Variants in GLDC observed in about 807,000 individuals in gnomAD.
GLDC encodes glycine decarboxylase, also known as glycine dehydrogenase (decarboxylating), mitochondrial.
Under a neutral mutation model 121.3 loss-of-function variants are expected in GLDC, and 104 were observed. That is an observed-to-expected ratio of 0.86 (90% CI 0.73 to 1.01). The LOEUF (loss-of-function observed/expected upper bound fraction) is 1.01, where lower values mean the gene tolerates loss of function less well. Among genes scored for constraint, GLDC ranks in the 50% least tolerant of loss-of-function variants. The probability of loss-of-function intolerance (pLI) is 0.00; values close to 1 mark genes in which losing one functional copy is unlikely to be tolerated. For missense variants in GLDC, 1,429 were observed against 1,306.6 expected (o/e 1.09, Z -1.44); for synonymous variants, 546 against 480.6 (o/e 1.14, Z -1.78).
In GLDC at chr9:6,553,419, C is replaced by T. The variant is rs368811775; in HGVS notation, c.2406G>A (p.Ala802=). The T allele has an allele frequency of 9.3e-6, 15 of 1,613,628 alleles. No individual in the cohort carries two copies. The highest frequency in any genetic ancestry group is 8.0e-5 in the African/African-American group (6 of 74,986). The change falls in exon 20 of 25, where the codon GCG becomes GCA. Residue 802 remains alanine (A), a synonymous_variant. Coordinates refer to ENST00000321612, the MANE Select transcript of GLDC (RefSeq NM_000170.3). ...EDACPVGTVS[A]APWGSSSILP... ...AGATGGAACTGGAGCCCCATGGGGC[C>T]GCACTGACGGTTCCCACAGGACAGG...
rs192081125 is a variant in GLDC at position 6,583,569 on chromosome 9, G to A, written c.1850+3572C>T. Among the ~76,000 whole-genome samples the A allele has an allele frequency of 5.9e-5, 9 of 152,270 alleles. No individual in the cohort carries two copies. The East Asian group carries it at 1.5e-3, about 26-fold the overall frequency. On this transcript the variant is annotated intron_variant, in intron 15 of 24. Coordinates refer to ENST00000321612, the MANE Select transcript of GLDC (RefSeq NM_000170.3). ...TGCGTGCCAGTAGTCCCAGCTAAGC[G>A]GGAGGCTGAAGCAGGAAGATCACTT...
chr9:6,592,398 G>C lies in GLDC; in HGVS notation c.1402-175C>G, dbSNP rs1358151575. Among the ~76,000 whole-genome samples the C allele has an allele frequency of 5.3e-5, 8 of 152,186 alleles. No homozygotes were observed. The East Asian group carries it at 1.5e-3, about 29-fold the overall frequency. ...AGGAAGGTGGCTAGACCAGTCCCAG[G>C]TTTCACAAGGCTTCGAGTTTTGCCA... is the stretch of plus-strand genomic sequence containing the variant. On this transcript the variant is annotated intron_variant, in intron 10 of 24. Transcript: ENST00000321612.
chr9:6,571,877 A>G (rs995815868), intron 15 of GLDC, among the ~76,000 whole-genome samples: 1 of 152,352 alleles, frequency 6.6e-6, no homozygotes, highest in East Asian at 1.9e-4. Context: ...GGAATAGAAT[A>G]TAGAATCCAG....
rs1271498448 is a variant in GLDC at position 6,606,667 on chromosome 9, T to C, written c.638A>G (p.His213Arg). The change falls in exon 5 of 25, where the codon CAC becomes CGC. Residue 213 changes from histidine (H) to arginine (R), a missense_variant and splice_region_variant. Transcript: ENST00000321612. ...AACGAGAAATTTCCTCCTCTTGTTG[T>C]GTCTGTTGAAAAGAAAAAGCACATT... ...AAEALQLCYR[H>R]NKRRKFLVDP... is the part of the protein sequence containing the mutation. 2 of 1,591,038 alleles carry C rather than the reference T, an allele frequency of 1.3e-6. No individual in the cohort carries two copies. The highest frequency in any genetic ancestry group is 1.4e-5 in the African/African-American group (1 of 73,954).
chr9:6,583,957 C>T (rs182520963), intron 15 of GLDC, among the ~76,000 whole-genome samples: 110 of 152,282 alleles, frequency 7.2e-4, no homozygotes, highest in African/African-American at 2.6e-3. Flanking sequence ...ATGGTGATGG[C>T]TGTACAACAG....
At chr9:6,620,804 T>C (rs1290860720) in intron 2 of GLDC, among the ~76,000 whole-genome samples, 1 of 152,206 alleles carries the variant, frequency 6.6e-6, no homozygotes, top group African/African-American at 2.4e-5. Flanking sequence ...ATTCCTCCTT[T>C]GTGTCACTGA....
intron 20 of GLDC, among the ~76,000 whole-genome samples, chr9:6,551,396 T>C (rs568320195): frequency 6.6e-5 from 10 of 152,334 alleles, no homozygotes; most frequent in African/African-American, 2.4e-4. Context: ...CTCAATCTTG[T>C]CCTGGTAGTT....
intron 22 of GLDC, among the ~76,000 whole-genome samples, chr9:6,537,519 A>C (rs770668740): frequency 6.6e-6 from 1 of 152,180 alleles, no homozygotes; most frequent in Non-Finnish European, 1.5e-5. Context: ...TGGCTCACAC[A>C]CCTATAATCC....
chr9:6,606,752 C>G (rs1163742674), intron 4 of GLDC, 83 bp from the exon 5 acceptor site: 1 of 849,122 alleles, frequency 1.2e-6, no homozygotes, highest in Non-Finnish European at 2.1e-6. Context: ...AACATAGTAC[C>G]GAGGGTAAGT....
chr9:6,572,269 G>A (rs1481334534), intron 15 of GLDC, among the ~76,000 whole-genome samples: 1 of 152,172 alleles, frequency 6.6e-6, no homozygotes, highest in Non-Finnish European at 1.5e-5. Flanking sequence ...AACTACCATA[G>A]CCAACGAGCA....
At chr9:6,619,330 G>A (rs1345935129) in intron 3 of GLDC, among the ~76,000 whole-genome samples, 3 of 151,470 alleles carry the variant, frequency 2.0e-5, no homozygotes, top group Admixed American at 6.6e-5. Context: ...CAATAAAGCT[G>A]ATATTATGAT....
At chr9:6,551,943 AGTCCAACCCTACAT>A (rs1817524097) in intron 20 of GLDC, among the ~76,000 whole-genome samples, 1 of 152,218 alleles carries the variant, frequency 6.6e-6, no homozygotes, top group Non-Finnish European at 1.5e-5. Flanking sequence ...AGACGGCTTA[AGTCCAACCCTACAT>A]GTGCTCAGTT....
intron 14 of GLDC, among the ~76,000 whole-genome samples, chr9:6,587,627 T>C (rs1818296692): frequency 6.6e-6 from 1 of 152,186 alleles, no homozygotes; most frequent in African/African-American, 2.4e-5. Flanking sequence ...TAGCAATAGA[T>C]TGTTCTCTTT....
rs776998782 is a variant in GLDC at position 6,565,363 on chromosome 9, C to A, written c.1917G>T (p.Gly639=). The A allele has an allele frequency of 2.5e-6, 4 of 1,611,984 alleles. No individual in the cohort carries two copies. The highest frequency in any genetic ancestry group is 3.4e-6 in the Non-Finnish European group (4 of 1,177,990). The change falls in exon 16 of 25, where the codon GGG becomes GGT. Residue 639 remains glycine (G), a synonymous_variant. Coordinates refer to ENST00000321612, the MANE Select transcript of GLDC (RefSeq NM_000170.3). ...IRAYLNQKGE[G]HRTVCLIPKS... ...CTCCTGCCATACTCACCGTTCTGTG[C>A]CCCTCTCCTTTCTGGTTTAAGTAGG...
chr9:6,624,375 T>G (rs998992645), intron 2 of GLDC, among the ~76,000 whole-genome samples: 1 of 152,090 alleles, frequency 6.6e-6, no homozygotes, highest in African/African-American at 2.4e-5. Flanking sequence ...AGAGCAAAAT[T>G]GGGACACACA....
chr9:6,617,818 T>C (rs887330838), intron 3 of GLDC, among the ~76,000 whole-genome samples: 3 of 152,224 alleles, frequency 2.0e-5, no homozygotes, highest in African/African-American at 7.2e-5. Flanking sequence ...AAAGTGTTTA[T>C]CAAATTGTTA....
chr9:6,633,128 G>A (rs1014929506), intron 2 of GLDC, among the ~76,000 whole-genome samples: 3 of 152,016 alleles, frequency 2.0e-5, no homozygotes, highest in Admixed American at 2.0e-4. Flanking sequence ...CTCCCACCTC[G>A]GAGGATCCTT....
Position 6,639,668 on chromosome 9 carries a change from A to AAAAAATATATATATATAT in GLDC, c.334+4945_334+4946insATATATATATATATTTTT. ...ATATATCTTTTCACCATAAAAAAAA[A>AAAAAATATATATATATAT]GTATATATATATATATATATGGACA... is the stretch of plus-strand genomic sequence containing the variant. On this transcript the variant is annotated intron_variant, in intron 2 of 24. Transcript: ENST00000321612. The AAAAAATATATATATATAT allele has an allele frequency of 7.1e-3, 1,763 of 250,056 alleles. 28 individuals are homozygous for AAAAAATATATATATATAT. Among genetic ancestry groups the AAAAAATATATATATATAT allele is most frequent in the Non-Finnish European group, 8.2e-3 (1,278 of 155,694 alleles). 15.5% of individuals were successfully genotyped at this position (250,056 alleles called of 1,614,324 possible).
chr9:6,600,401 G>C lies in GLDC; in HGVS notation c.1155+1708C>G, dbSNP rs1032659253. On this transcript the variant is annotated intron_variant, in intron 8 of 24. Transcript: ENST00000321612. ...AGAAAAAAAAAAAAAAAGAAGCCAGGTGCCATGGCTCACACCTACAATCCC... is the reference window on the plus strand; with the variant it reads ...AGAAAAAAAAAAAAAAAGAAGCCAGCTGCCATGGCTCACACCTACAATCCC... Among the ~76,000 whole-genome samples the C allele has an allele frequency of 5.3e-5, 8 of 151,658 alleles. No homozygotes were observed. The East Asian group carries it at 1.4e-3, about 26-fold the overall frequency.
Sources: allele counts gnomAD v4.1 joint callset (sites outside exome capture counted in the v4.1 genomes callset), GRCh38; gene constraint gnomAD v4.1.1; transcripts MANE v1.5; gene names NCBI Gene and HGNC (gene_info 2026-07-23, HGNC 2026-07-21).